The following CACNA1D variants were observed in gnomAD, a reference collection of about 807,000 sequenced individuals.
CACNA1D encodes the protein calcium voltage-gated channel subunit alpha1 D.
In CACNA1D, 55 loss-of-function variants were observed where a neutral mutation model predicts 257.1. The observed-to-expected ratio is 0.21, with a 90% CI of 0.17 to 0.27. The LOEUF (loss-of-function observed/expected upper bound fraction) is 0.27, where lower values mean the gene tolerates loss of function less well. CACNA1D is among the 10% of genes least tolerant of loss of function. The pLI is 1.00. For missense variants in CACNA1D, 1,876 were observed against 2,784.0 expected (o/e 0.67, Z 7.34); for synonymous variants, 980 against 1,014.9 (o/e 0.97, Z 0.65).
chr3:53,551,616 C>A (rs1438764197), intron 3 of CACNA1D, among the ~76,000 whole-genome samples: 2 of 152,380 alleles, frequency 1.3e-5, no homozygotes, highest in Non-Finnish European at 1.5e-5. Flanking sequence ...CATGCATTTT[C>A]CTAAACCCAC....
intron 40 of CACNA1D, among the ~76,000 whole-genome samples, chr3:53,794,723 G>A (rs150100708): frequency 6.6e-6 from 1 of 152,202 alleles, no homozygotes; most frequent in Non-Finnish European, 1.5e-5. Context: ...GCACAAAGAC[G>A]CCAGGGTGAT....
chr3:53,693,608 A>G (rs923475679), intron 8 of CACNA1D, among the ~76,000 whole-genome samples: 3 of 152,126 alleles, frequency 2.0e-5, no homozygotes, highest in African/African-American at 7.2e-5. Flanking sequence ...GTCTATGTAG[A>G]GGAAATAATT....
chr3:53,621,393 C>T (rs1262391511), intron 3 of CACNA1D, among the ~76,000 whole-genome samples: 1 of 152,150 alleles, frequency 6.6e-6, no homozygotes, highest in Non-Finnish European at 1.5e-5. Context: ...GTTTTTCCAG[C>T]TTTTCCTTAT....
chr3:53,761,833 T>C (rs115105627), intron 29 of CACNA1D, among the ~76,000 whole-genome samples, 165 bp from the exon 30 acceptor site: 1,939 of 152,330 alleles, frequency 0.013, 42 homozygotes, highest in African/African-American at 0.044. Flanking sequence ...ACCACCCTGC[T>C]GTGCCCCTTT....
At chr3:53,601,657 A>G (rs1410479382) in intron 3 of CACNA1D, among the ~76,000 whole-genome samples, 1 of 152,192 alleles carries the variant, frequency 6.6e-6, no homozygotes, top group Non-Finnish European at 1.5e-5. Context: ...CAGCAGTAGT[A>G]GTAACAACAA....
At chr3:53,648,829 A>AC (rs2094052865) in intron 3 of CACNA1D, among the ~76,000 whole-genome samples, 33 of 146,856 alleles carry the variant, frequency 2.2e-4, no homozygotes, top group African/African-American at 6.0e-4. Context: ...TAACTCTCAA[A>AC]ACACACACAC....
At chr3:53,511,150 C>T (rs539532543) in intron 3 of CACNA1D, among the ~76,000 whole-genome samples, 1 of 152,228 alleles carries the variant, frequency 6.6e-6, no homozygotes, top group East Asian at 1.9e-4. Flanking sequence ...TTTATTTTCA[C>T]ACACAGTAAA....
chr3:53,615,085 A>G (rs1041191018), intron 3 of CACNA1D, among the ~76,000 whole-genome samples: 9 of 152,224 alleles, frequency 5.9e-5, no homozygotes, highest in African/African-American at 2.2e-4. Flanking sequence ...TGCAGCCTTC[A>G]TTTTTTAAAT....
intron 3 of CACNA1D, among the ~76,000 whole-genome samples, chr3:53,610,011 G>A (rs1213499330): frequency 6.6e-6 from 1 of 152,174 alleles, no homozygotes; most frequent in African/African-American, 2.4e-5. Context: ...ATTTAGAAAT[G>A]TGTTTGTAAA....
At chr3:53,676,045 C>G (rs1269530745) in intron 8 of CACNA1D, among the ~76,000 whole-genome samples, 1 of 152,178 alleles carries the variant, frequency 6.6e-6, no homozygotes, top group Non-Finnish European at 1.5e-5. Context: ...GAGTGCCCGG[C>G]TCTGGTCCAG....
In CACNA1D at chr3:53,736,372, TA is replaced by T. The variant is rs1231231323; in HGVS notation, c.2751+875del. Among the ~76,000 whole-genome samples, 3 of 152,214 alleles carry T rather than the reference TA, an allele frequency of 2.0e-5. No homozygotes were observed. In the South Asian group the frequency reaches 6.2e-4, roughly 32 times the overall value. On this transcript the variant is annotated intron_variant, in intron 20 of 47. Coordinates refer to ENST00000350061, the MANE Select transcript of CACNA1D (RefSeq NM_001128840.3). Reference sequence around the variant, plus strand: ...AAAAAAAAGAATATATAATGAATGTTAAAAAATTTCTTCTCTGGGAAGATTT... The same window carrying T: ...AAAAAAAAGAATATATAATGAATGTTAAAAATTTCTTCTCTGGGAAGATTT...
chr3:53,743,594 T>C (rs184235472), intron 22 of CACNA1D, among the ~76,000 whole-genome samples: 1 of 152,368 alleles, frequency 6.6e-6, no homozygotes, highest in African/African-American at 2.4e-5. Flanking sequence ...CCTCAAAATT[T>C]TTCAGCTAGG....
At chr3:53,639,079 G>A (rs573363349) in intron 3 of CACNA1D, among the ~76,000 whole-genome samples, 2 of 152,292 alleles carry the variant, frequency 1.3e-5, no homozygotes, top group African/African-American at 4.8e-5. Context: ...TATTGTTCAC[G>A]TTGACTGTAG....
chr3:53,500,967 T>C (rs2107121096), intron 2 of CACNA1D, among the ~76,000 whole-genome samples: 1 of 152,344 alleles, frequency 6.6e-6, no homozygotes, highest in Middle Eastern at 3.4e-3. Flanking sequence ...AGTCCGGCTC[T>C]AATCTGAAAC....
chr3:53,759,450 G>A (rs953895261), intron 29 of CACNA1D, among the ~76,000 whole-genome samples: 6 of 152,214 alleles, frequency 3.9e-5, no homozygotes, highest in Admixed American at 1.3e-4. Flanking sequence ...CGGCGCACAC[G>A]GTACAAATGC....
chr3:53,630,092 C>T (rs1409998747), intron 3 of CACNA1D, among the ~76,000 whole-genome samples: 2 of 152,168 alleles, frequency 1.3e-5, no homozygotes, highest in Non-Finnish European at 2.9e-5. Flanking sequence ...TTTAAAAAGA[C>T]ATAACACCTG....
At chr3:53,528,559 T>G (rs6777794) in intron 3 of CACNA1D, among the ~76,000 whole-genome samples, 62,322 of 152,096 alleles carry the variant, frequency 0.41, 14,385 homozygotes, top group Middle Eastern at 0.53. Flanking sequence ...AACTTGTCAA[T>G]TTCTATAAAA....
rs534899519 is a variant in CACNA1D, at chr3:53,586,766, G to T, written c.484-64013G>T. Among the ~76,000 whole-genome samples, 6 of 152,258 alleles carry T rather than the reference G, an allele frequency of 3.9e-5. No homozygotes were observed. The East Asian group carries it at 7.7e-4, about 20-fold the overall frequency. The stretch of plus-strand genomic sequence containing the variant: ...CAGACTTAGAGACGATAAGGTACTA[G>T]CCCCCTGGAAAACAACTGCACTGAA... On this transcript the variant is annotated intron_variant, in intron 3 of 47. Transcript: ENST00000350061.
At chr3:53,795,354 G>T (rs1416014699) in intron 40 of CACNA1D, among the ~76,000 whole-genome samples, 1 of 152,224 alleles carries the variant, frequency 6.6e-6, no homozygotes, top group African/African-American at 2.4e-5. Context: ...GTGAGTAAGT[G>T]TGTGATTCAG....
Sources: allele counts gnomAD v4.1 joint callset (sites outside exome capture counted in the v4.1 genomes callset), GRCh38; gene constraint gnomAD v4.1.1; transcripts MANE v1.5; gene names NCBI Gene and HGNC (gene_info 2026-07-23, HGNC 2026-07-21).